The following WDR82 variants were observed in gnomAD, a reference collection of about 807,000 sequenced individuals.
WDR82 encodes the protein WD repeat domain 82, also known as WD repeat-containing protein 82.
In WDR82, 8 loss-of-function variants were observed where a neutral mutation model predicts 36.1. The observed-to-expected ratio is 0.22, with a 90% CI of 0.13 to 0.40. The LOEUF (loss-of-function observed/expected upper bound fraction) is 0.40, where lower values mean the gene tolerates loss of function less well. Ranked by LOEUF, WDR82 falls within the 10% of genes least tolerant of loss-of-function variation. The pLI, the probability that WDR82 is intolerant of heterozygous loss-of-function variation, is 1.00. For synonymous variants in WDR82, 129 were observed against 137.8 expected, an observed-to-expected ratio of 0.94 and a Z score of 0.45; for missense variants, 185 against 400.5, an observed-to-expected ratio of 0.46 and a Z score of 4.59.
intron 4 of WDR82, 63 bp from the exon 5 acceptor site, chr3:52,260,564 CAA>C: frequency 1.8e-6 from 2 of 1,132,588 alleles, no homozygotes; most frequent in Non-Finnish European, 2.5e-6. Context: ...GTGGAATAAC[CAA>C]AGACTGCTGG....
chr3:52,259,412 T>G (rs2107330665), intron 6 of WDR82, 146 bp from the exon 7 acceptor site: 1 of 873,000 alleles, frequency 1.1e-6, no homozygotes, highest in Admixed American at 2.7e-5. Flanking sequence ...CTTCCAAATG[T>G]GGTTGCCATC....
intron 1 of WDR82, among the ~76,000 whole-genome samples, chr3:52,273,140 A>T (rs1187069953): frequency 6.6e-6 from 1 of 152,202 alleles, no homozygotes; most frequent in Non-Finnish European, 1.5e-5. Flanking sequence ...AATAGCAAAG[A>T]CAGAAACTGG....
chr3:52,274,898 CA>C (rs1340053870), intron 1 of WDR82, among the ~76,000 whole-genome samples: 1 of 149,614 alleles, frequency 6.7e-6, no homozygotes, highest in African/African-American at 2.5e-5. Context: ...GAGGCAGTCT[CA>C]AAAACAAAAC....
intron 3 of WDR82, among the ~76,000 whole-genome samples, chr3:52,265,296 T>G (rs1388771743): frequency 2.3e-5 from 1 of 42,784 alleles, no homozygotes; most frequent in Non-Finnish European, 3.9e-5. Flanking sequence ...CGAGACTCTG[T>G]CTCAAAAAAA....
At chr3:52,267,477 C>G (rs1700116016) in intron 2 of WDR82, 1 of 160,772 alleles carries the variant, frequency 6.2e-6, no homozygotes, top group Non-Finnish European at 1.4e-5. Flanking sequence ...CAGGTTGAAC[C>G]CTGGCAGCAA....
chr3:52,265,706 G>C (rs1180512341), intron 3 of WDR82, among the ~76,000 whole-genome samples: 2 of 151,876 alleles, frequency 1.3e-5, no homozygotes, highest in Non-Finnish European at 2.9e-5. Flanking sequence ...CTCCGAAGTA[G>C]TAGGAATTAC....
intron 1 of WDR82, among the ~76,000 whole-genome samples, chr3:52,277,845 C>T (rs1403293168): frequency 6.6e-6 from 1 of 152,170 alleles, no homozygotes; most frequent in Non-Finnish European, 1.5e-5. Context: ...CCGGAGCAGA[C>T]CAGCACCTTT....
intron 2 of WDR82, chr3:52,267,927 G>C (rs1470746418): frequency 6.3e-6 from 1 of 158,126 alleles, no homozygotes; most frequent in Non-Finnish European, 1.4e-5. Context: ...GAAAACCATA[G>C]AAAGAACATT....
At chr3:52,259,355 C>A in intron 6 of WDR82, 89 bp from the exon 7 acceptor site, 1 of 1,280,176 alleles carries the variant, frequency 7.8e-7, no homozygotes. Flanking sequence ...CATGCATCAC[C>A]TTCCTTTCCA....
At chr3:52,264,020 G>A (rs528428567) in intron 3 of WDR82, among the ~76,000 whole-genome samples, 11 of 152,198 alleles carry the variant, frequency 7.2e-5, no homozygotes, top group Non-Finnish European at 1.2e-4. Context: ...AAAATTAGCC[G>A]GGCATGATGG....
chr3:52,259,281 A>G lies in WDR82; in HGVS notation c.700-15T>C, dbSNP rs775378532. On this transcript the variant is annotated splice_polypyrimidine_tract_variant and intron_variant, in intron 6 of 8. Transcript: ENST00000296490. The stretch of plus-strand genomic sequence containing the variant: ...TTGGCATAACCCTAAAACAAAACAG[A>G]GCAGTTCTTTTGTTCTTACAGAGCC... The G allele has an allele frequency of 9.3e-6, 15 of 1,613,450 alleles. No homozygotes were observed. Among genetic ancestry groups the G allele is most frequent in the Admixed American group, 1.7e-5 (1 of 59,868 alleles).
chr3:52,278,461 G>C lies in WDR82; in HGVS notation c.-100C>G. 1 of 1,049,510 alleles carries C rather than the reference G, an allele frequency of 9.5e-7. No individual in the cohort carries two copies. Among genetic ancestry groups the C allele is most frequent in the Non-Finnish European group, 1.2e-6 (1 of 842,340 alleles). 65.0% of individuals were successfully genotyped at this position (1,049,510 alleles called of 1,614,324 possible). ...GGCCAACCCAGGCGGGGCGGGCGCC[G>C]CGCCGGCGGCTAGCGGGAAGTCGGC... On this transcript the variant is annotated 5_prime_UTR_variant, in exon 1 of 9. Coordinates refer to ENST00000296490, the MANE Select transcript of WDR82 (RefSeq NM_025222.4).
intron 4 of WDR82, 43 bp from the exon 5 acceptor site, chr3:52,260,544 A>G: frequency 7.2e-7 from 1 of 1,392,658 alleles, no homozygotes. Flanking sequence ...CACACATGCC[A>G]CAACCATACG....
At chr3:52,277,000 C>T (rs1421810584) in intron 1 of WDR82, among the ~76,000 whole-genome samples, 1 of 144,562 alleles carries the variant, frequency 6.9e-6, no homozygotes, top group African/African-American at 2.6e-5. Flanking sequence ...AAGAAGGACA[C>T]CAGTCTAAAA....
intron 2 of WDR82, chr3:52,268,006 T>G (rs57179725): frequency 0.021 from 4,457 of 212,168 alleles, 203 homozygotes; most frequent in African/African-American, 0.095. Context: ...TTCACAGGGG[T>G]GCTTTCTAAT....
At chr3:52,268,159 C>A in intron 2 of WDR82, 1 of 311,714 alleles carries the variant, frequency 3.2e-6, no homozygotes. Context: ...TATTCTACTG[C>A]TAACAATGAC....
At chr3:52,276,266 T>G (rs905336051) in intron 1 of WDR82, among the ~76,000 whole-genome samples, 1 of 151,954 alleles carries the variant, frequency 6.6e-6, no homozygotes, top group Non-Finnish European at 1.5e-5. Flanking sequence ...AAACCCCATC[T>G]CTACTAAAAA....
At chr3:52,275,953 G>T (rs540220703) in intron 1 of WDR82, among the ~76,000 whole-genome samples, 75 of 152,306 alleles carry the variant, frequency 4.9e-4, no homozygotes, top group African/African-American at 1.8e-3. Context: ...CTCTAAAGGT[G>T]GGGGGAGGCA....
intron 3 of WDR82, among the ~76,000 whole-genome samples, chr3:52,262,067 T>C (rs907821500): frequency 6.6e-6 from 1 of 152,244 alleles, no homozygotes; most frequent in Non-Finnish European, 1.5e-5. Flanking sequence ...GGAACATTAT[T>C]TGGCAATAAA....
Sources: allele counts gnomAD v4.1 joint callset (sites outside exome capture counted in the v4.1 genomes callset), GRCh38; gene constraint gnomAD v4.1.1; transcripts MANE v1.5; gene names NCBI Gene and HGNC (gene_info 2026-07-23, HGNC 2026-07-21).